IL15: variants seen among roughly 807,000 people sequenced by gnomAD.
IL15 encodes interleukin-15.
In IL15, 11 loss-of-function variants were observed where a neutral mutation model predicts 19.6. That is an observed-to-expected ratio of 0.56 (90% CI 0.35 to 0.93). The LOEUF is 0.93. IL15 is among the 40% of genes least tolerant of loss of function. The pLI is 0.01. For synonymous variants in IL15, 58 were observed against 59.6 expected, an observed-to-expected ratio of 0.97 and a Z score of 0.12; for missense variants, 197 against 186.5, an observed-to-expected ratio of 1.06 and a Z score of -0.33.
rs1729052212 is a variant in IL15, at chr4:141,695,243, G to T, written c.-99-24123G>T. Among the ~76,000 whole-genome samples, 3 of 131,232 alleles carry T rather than the reference G, an allele frequency of 2.3e-5. No homozygotes were observed. In the Admixed American group the frequency reaches 2.3e-4, roughly 10 times the overall value. The allele number at this position is 131,232 out of a possible 152,430, so 86.1% of individuals were successfully genotyped here. ...AATCCTTCTAAGCCTCTTCTCCCTA[G>T]TCTCTCTTCTGCTCTGCTTCTATGA... On this transcript the variant is annotated intron_variant, in intron 2 of 7. Transcript: ENST00000320650.
chr4:141,678,320 T>TA (rs1462134870), intron 2 of IL15, among the ~76,000 whole-genome samples: 1 of 152,168 alleles, frequency 6.6e-6, no homozygotes, highest in Non-Finnish European at 1.5e-5. Flanking sequence ...TGAACGTACT[T>TA]AAAAAACTTG....
chr4:141,655,376 GAAAA>G (rs772979471), intron 1 of IL15, among the ~76,000 whole-genome samples: 5 of 140,936 alleles, frequency 3.5e-5, no homozygotes, highest in African/African-American at 1.3e-4. Context: ...AAAGCAAAAA[GAAAA>G]AAAAAAACAA....
At chr4:141,665,741 G>T (rs1216095504) in intron 2 of IL15, among the ~76,000 whole-genome samples, 3 of 151,844 alleles carry the variant, frequency 2.0e-5, no homozygotes, top group Non-Finnish European at 4.4e-5. Context: ...GTATAATTTT[G>T]TTGCTAACGT....
intron 2 of IL15, among the ~76,000 whole-genome samples, chr4:141,709,068 C>G (rs984596307): frequency 3.2e-5 from 3 of 95,170 alleles, no homozygotes; most frequent in East Asian, 2.7e-4. Context: ...CAATATTATT[C>G]AATATTGAAA....
At chr4:141,710,585 T>C (rs1254741150) in intron 2 of IL15, among the ~76,000 whole-genome samples, 3 of 152,178 alleles carry the variant, frequency 2.0e-5, no homozygotes, top group Non-Finnish European at 4.4e-5. Context: ...TTTGCTTGCA[T>C]GAGTGAATGA....
chr4:141,676,227 G>A (rs564905303), intron 2 of IL15, among the ~76,000 whole-genome samples: 136 of 152,214 alleles, frequency 8.9e-4, no homozygotes, highest in Non-Finnish European at 1.6e-3. Flanking sequence ...GATCAACACC[G>A]CCCTCATCTA....
At chr4:141,689,057 G>T (rs1228142037) in intron 2 of IL15, 1 of 154,598 alleles carries the variant, frequency 6.5e-6, no homozygotes. Context: ...AGCTCTTAAG[G>T]TGGCGCATCT....
At chr4:141,637,329 T>C (rs549529142) in intron 1 of IL15, 1 of 152,406 alleles carries the variant, frequency 6.6e-6, no homozygotes, top group Non-Finnish European at 1.5e-5. Context: ...AAAATCAAAT[T>C]ATCGCCCTCT....
chr4:141,706,324 C>T (rs1424722767), intron 2 of IL15, among the ~76,000 whole-genome samples: 1 of 151,816 alleles, frequency 6.6e-6, no homozygotes, highest in Non-Finnish European at 1.5e-5. Flanking sequence ...TAAAAATACT[C>T]CAGATGTTTT....
intron 1 of IL15, among the ~76,000 whole-genome samples, chr4:141,645,869 T>C (rs926154272): frequency 1.3e-5 from 2 of 152,046 alleles, no homozygotes; most frequent in African/African-American, 4.8e-5. Context: ...TCTTTCCACA[T>C]GGCTAAACTG....
chr4:141,709,800 A>G (rs1640320189), intron 2 of IL15, among the ~76,000 whole-genome samples: 1 of 152,052 alleles, frequency 6.6e-6, no homozygotes, highest in African/African-American at 2.4e-5. Context: ...TTCAGGGTGT[A>G]TATGTGCAGG....
At chr4:141,679,759 G>C (rs1221408868) in intron 2 of IL15, among the ~76,000 whole-genome samples, 1 of 152,158 alleles carries the variant, frequency 6.6e-6, no homozygotes, top group Non-Finnish European at 1.5e-5. Context: ...GAAATATATT[G>C]CATGAAACAC....
chr4:141,727,883 CATAAT>C, intron 5 of IL15, 52 bp from the exon 6 acceptor site: 1 of 770,394 alleles, frequency 1.3e-6, no homozygotes, highest in Non-Finnish European at 2.2e-6. Flanking sequence ...AGGTTGTTCT[CATAAT>C]ATTTAAAGCA....
chr4:141,700,961 C>T (rs1011464849), intron 2 of IL15, among the ~76,000 whole-genome samples: 7 of 151,934 alleles, frequency 4.6e-5, no homozygotes, highest in Admixed American at 3.9e-4. Context: ...TCTTTCATTT[C>T]GAGAAGTTCT....
chr4:141,649,966 G>T (rs1251666812), intron 1 of IL15, among the ~76,000 whole-genome samples: 1 of 152,086 alleles, frequency 6.6e-6, no homozygotes, highest in East Asian at 1.9e-4. Flanking sequence ...TTTACATTTT[G>T]GGAGACGATG....
intron 2 of IL15, among the ~76,000 whole-genome samples, chr4:141,664,520 G>A (rs1369008075): frequency 2.6e-5 from 4 of 151,994 alleles, no homozygotes; most frequent in African/African-American, 9.7e-5. Flanking sequence ...GGGGCGTGTG[G>A]GGAAGTACAA....
chr4:141,671,012 A>C (rs943610775), intron 2 of IL15, among the ~76,000 whole-genome samples: 1 of 152,202 alleles, frequency 6.6e-6, no homozygotes. Flanking sequence ...AATATTTAAA[A>C]TGGCAGAAGA....
intron 2 of IL15, among the ~76,000 whole-genome samples, chr4:141,664,632 C>T (rs1727908526): frequency 6.6e-6 from 1 of 152,088 alleles, no homozygotes; most frequent in East Asian, 1.9e-4. Flanking sequence ...CCACATAAGA[C>T]ACCAGTTGTT....
chr4:141,706,944 T>C (rs1202194658), intron 2 of IL15, among the ~76,000 whole-genome samples: 1 of 152,188 alleles, frequency 6.6e-6, no homozygotes, highest in Non-Finnish European at 1.5e-5. Flanking sequence ...TAGATGTTTG[T>C]ATCTCTGAAT....
Sources: gnomAD v4.1 joint callset for allele counts (sites outside exome capture counted in the v4.1 genomes callset) on GRCh38, gnomAD v4.1.1 for gene constraint, MANE v1.5 for transcripts, NCBI Gene and HGNC (gene_info 2026-07-23, HGNC 2026-07-21) for gene names.